ACTN1: variants seen among roughly 807,000 people sequenced by gnomAD.
ACTN1 encodes actinin alpha 1.
In ACTN1, 30 loss-of-function variants were observed where a neutral mutation model predicts 119.6. The observed-to-expected ratio is 0.25, with a 90% CI of 0.19 to 0.34. The LOEUF (loss-of-function observed/expected upper bound fraction) is 0.34, where lower values mean the gene tolerates loss of function less well. ACTN1 is among the 10% of genes least tolerant of loss of function. The pLI is 1.00. For missense variants in ACTN1, 764 were observed against 1,223.4 expected (o/e 0.62, Z 5.60); for synonymous variants, 429 against 472.6 (o/e 0.91, Z 1.20).
intron 2 of ACTN1, among the ~76,000 whole-genome samples, chr14:68,921,571 G>C (rs184931286): frequency 6.6e-6 from 1 of 152,202 alleles, no homozygotes; most frequent in African/African-American, 2.4e-5. Flanking sequence ...AGAGGAGGAG[G>C]AAGAGGAAGG....
At chr14:68,969,873 G>A (rs1189783715) in intron 1 of ACTN1, among the ~76,000 whole-genome samples, 1 of 152,124 alleles carries the variant, frequency 6.6e-6, no homozygotes, top group Non-Finnish European at 1.5e-5. Flanking sequence ...AAGGCTTGGT[G>A]CCTCTTCCAG....
chr14:68,877,049 C>T, intron 21 of ACTN1, 33 bp downstream of exon 21: 2 of 1,612,144 alleles, frequency 1.2e-6, no homozygotes, highest in Non-Finnish European at 1.7e-6. Context: ...GTGCCTGCCA[C>T]CCCAGCACAG....
chr14:68,915,249 C>T (rs1169217221), intron 3 of ACTN1, among the ~76,000 whole-genome samples: 1 of 151,758 alleles, frequency 6.6e-6, no homozygotes, highest in Admixed American at 6.6e-5. Flanking sequence ...CCCCTCCTCC[C>T]CCTGCTCCTT....
intron 1 of ACTN1, among the ~76,000 whole-genome samples, chr14:68,945,689 G>A (rs139768157): frequency 6.6e-6 from 1 of 152,162 alleles, no homozygotes; most frequent in Non-Finnish European, 1.5e-5. Flanking sequence ...AGGGGCAGAG[G>A]CCACACCCAG....
intron 1 of ACTN1, among the ~76,000 whole-genome samples, chr14:68,936,321 G>A (rs556212708): frequency 7.8e-4 from 119 of 152,170 alleles, no homozygotes; most frequent in South Asian, 2.3e-3. Context: ...GAATCCTGAC[G>A]TTAGTGTCCC....
At chr14:68,951,204 T>A (rs1256379735) in intron 1 of ACTN1, among the ~76,000 whole-genome samples, 1 of 152,174 alleles carries the variant, frequency 6.6e-6, no homozygotes, top group African/African-American at 2.4e-5. Context: ...CCAGGGTGAC[T>A]CAGGCGCTGG....
At position 68,877,013 on chromosome 14, in the gene ACTN1, C is replaced by T. The variant is rs2030975670; in HGVS notation, c.2586+69G>A. ...GTTGAGGAGTTCATGTTCCAGCTCT[C>T]ACCCCTTTAGATCACAGTCCAGCCA... On this transcript the variant is annotated intron_variant, in intron 21 of 21. Transcript: ENST00000394419. 9 of 1,573,820 alleles carry T rather than the reference C, an allele frequency of 5.7e-6. No homozygotes were observed. The South Asian group carries it at 8.1e-5, about 14-fold the overall frequency.
intron 1 of ACTN1, among the ~76,000 whole-genome samples, chr14:68,953,500 C>T (rs1261142242): frequency 1.3e-5 from 2 of 152,168 alleles, no homozygotes; most frequent in East Asian, 3.8e-4. Context: ...GTGCGTACTC[C>T]GCAGAGCCTG....
intron 7 of ACTN1, 137 bp from the exon 8 acceptor site, chr14:68,902,699 C>T (rs569498587): frequency 1.8e-5 from 12 of 681,224 alleles, no homozygotes; most frequent in African/African-American, 7.3e-5. Flanking sequence ...CAGCCTCTGG[C>T]GTCAACTTGC....
chr14:68,903,460 C>G (rs2033468813), intron 7 of ACTN1, among the ~76,000 whole-genome samples: 1 of 151,806 alleles, frequency 6.6e-6, no homozygotes, highest in African/African-American at 2.4e-5. Context: ...TCGCTTGAAC[C>G]CAGGAGGCGG....
At chr14:68,935,574 CG>C (rs1220669166) in intron 1 of ACTN1, among the ~76,000 whole-genome samples, 1 of 150,920 alleles carries the variant, frequency 6.6e-6, no homozygotes, top group Non-Finnish European at 1.5e-5. Flanking sequence ...TTAGTAGAGA[CG>C]GGGTTTTGCT....
rs770793826 is a variant in ACTN1 at position 68,904,700 on chromosome 14, C to G, written c.631G>C (p.Val211Leu). The part of the protein sequence containing the change: ...PLTNLNTAFD[V>L]AEKYLDIPKM... ...GGGATGTCCAGGTACTTCTCTGCCA[C>G]GTCAAAAGCCGTATTCAGATTTGTG... The change falls in exon 7 of 22, where the codon GTG becomes CTG. Residue 211 changes from valine to leucine, a missense_variant. By Grantham distance (32) the Val-to-Leu change is conservative. Transcript: ENST00000394419. 2.5e-6 allele frequency: 4 copies of G among 1,614,020 alleles called. No homozygotes were observed. In the African/African-American group the frequency reaches 5.3e-5, roughly 22 times the overall value.
At chr14:68,929,636 C>T (rs568062496) in intron 1 of ACTN1, among the ~76,000 whole-genome samples, 48 of 123,976 alleles carry the variant, frequency 3.9e-4, no homozygotes, top group African/African-American at 1.6e-3. Context: ...CGAGAGGTCC[C>T]AGGAAAAGTC....
chr14:68,931,237 C>T (rs1193651200), intron 1 of ACTN1, among the ~76,000 whole-genome samples: 1 of 152,184 alleles, frequency 6.6e-6, no homozygotes, highest in African/African-American at 2.4e-5. Flanking sequence ...TCCAGGGGAC[C>T]GCAGCCAGCA....
chr14:68,960,914 AAAAAT>A (rs2036514572), intron 1 of ACTN1, among the ~76,000 whole-genome samples: 1 of 152,152 alleles, frequency 6.6e-6, no homozygotes, highest in African/African-American at 2.4e-5. Flanking sequence ...AAAAGAATGT[AAAAAT>A]TAGCCAGGCA....
At chr14:68,934,584 C>T (rs1164412616) in intron 1 of ACTN1, among the ~76,000 whole-genome samples, 1 of 152,232 alleles carries the variant, frequency 6.6e-6, no homozygotes, top group African/African-American at 2.4e-5. Flanking sequence ...CAGCCCTTAG[C>T]CCAATTCTGG....
In ACTN1 at chr14:68,893,677, T is replaced by C; in HGVS notation, c.833A>G (p.Asp278Gly). 1 of 1,614,142 alleles carries C rather than the reference T, an allele frequency of 6.2e-7. No individual in the cohort carries two copies. Among genetic ancestry groups the C allele is most frequent in the Non-Finnish European group, 8.5e-7 (1 of 1,179,998 alleles). ...VNQENEQLME[D>G]YEKLASDLLE... ...CACATCACTGGCCAGCTTCTCGTAG[T>C]CTTCCATAAGCTGCTCGTTCTCCTG... The change falls in exon 9 of 22, where the codon GAC (aspartate) becomes GGC (glycine). Residue 278 changes from aspartate (D) to glycine (G), a missense_variant. Transcript: ENST00000394419.
Position 68,880,241 on chromosome 14 carries a change from A to G in ACTN1, c.2134-133T>C, listed in dbSNP as rs1250304356. Reference sequence around the variant, plus strand: ...TTGGCCTTCTGTGTGGCTGAGTGTCACCAGAGGAAGGGGAACCAGGACAAG... The same window carrying G: ...TTGGCCTTCTGTGTGGCTGAGTGTCGCCAGAGGAAGGGGAACCAGGACAAG... On this transcript the variant is annotated intron_variant, in intron 17 of 21. Coordinates refer to ENST00000394419, the MANE Select transcript of ACTN1 (RefSeq NM_001130004.2). This position sits in a 1 kb window ranked among gnomAD's most constrained non-coding sequence, Gnocchi z 4.6. 9.0e-7 allele frequency: 1 copy of G among 1,116,216 alleles called. No individual in the cohort carries two copies. Among genetic ancestry groups the G allele is most frequent in the Admixed American group, 2.6e-5 (1 of 38,262 alleles). 69.1% of individuals were successfully genotyped at this position (1,116,216 alleles called of 1,614,324 possible).
At chr14:68,904,390 A>G (rs932987578) in intron 7 of ACTN1, among the ~76,000 whole-genome samples, 6 of 152,192 alleles carry the variant, frequency 3.9e-5, no homozygotes, top group African/African-American at 1.4e-4. Flanking sequence ...CCTGACTCCA[A>G]GGCAAAGACA....
Sources: gnomAD v4.1 joint callset for allele counts (sites outside exome capture counted in the v4.1 genomes callset) on GRCh38, gnomAD v4.1.1 for gene constraint, Gnocchi (gnomAD v3.1) non-coding constraint, MANE v1.5 for transcripts, NCBI Gene and HGNC (gene_info 2026-07-23, HGNC 2026-07-21) for gene names.